CNGA3: variants seen among roughly 807,000 people sequenced by gnomAD.
The protein encoded by CNGA3 is cyclic nucleotide-gated channel alpha-3.
In CNGA3, 42 loss-of-function variants were observed where a neutral mutation model predicts 46.6. The observed-to-expected ratio is 0.90, with a 90% CI of 0.70 to 1.17. CNGA3 has a LOEUF of 1.17. CNGA3 is among the 50% of genes most tolerant of loss of function. CNGA3 has a pLI of 0.00. For missense variants in CNGA3, 893 were observed against 890.7 expected (o/e 1.00, Z -0.03); for synonymous variants, 394 against 369.4 (o/e 1.07, Z -0.76).
Position 98,380,339 on chromosome 2 carries a change from C to A in CNGA3, c.380C>A (p.Ala127Glu). 1 of 1,614,050 alleles carries A rather than the reference C, an allele frequency of 6.2e-7. No homozygotes were observed. Among genetic ancestry groups the A allele is most frequent in the Non-Finnish European group, 8.5e-7 (1 of 1,179,994 alleles). The change falls in exon 4 of 8, where the codon GCA (alanine) becomes GAA (glutamate). Residue 127 changes from alanine to glutamate, a missense_variant. Physicochemically the swap from Ala to Glu is moderately radical, Grantham distance 107. Coordinates refer to ENST00000272602, the MANE Select transcript of CNGA3 (RefSeq NM_001298.3). ...AQANVGSQEP[A>E]DRGRSAWPLA... ...GCAAATGTGGGCAGCCAGGAGCCAG[C>A]AGACAGAGGGAGAAGGTAAGGAACG...
chr2:98,366,847 C>A (rs1412119269), intron 1 of CNGA3, among the ~76,000 whole-genome samples: 1 of 152,246 alleles, frequency 6.6e-6, no homozygotes, highest in Non-Finnish European at 1.5e-5. Context: ...AGAATCTGCA[C>A]AGCTCTGTGC....
chr2:98,370,025 A>G lies in CNGA3; in HGVS notation c.50A>G (p.Lys17Arg). 1 of 1,614,090 alleles carries G rather than the reference A, an allele frequency of 6.2e-7. No individual in the cohort carries two copies. Among genetic ancestry groups the G allele is most frequent in the Non-Finnish European group, 8.5e-7 (1 of 1,180,012 alleles). Residue 17 changes from lysine (K) to arginine (R), a missense_variant, in exon 2 of 8, where the codon AAG becomes AGG. Transcript: ENST00000272602. ...TCCCACCCCTCCAGGACCCACCTCA[A>G]GGTAAAGACCTCAGACCGAGATCTC... ...QYSHPSRTHL[K>R]VKTSDRDLNR...
At chr2:98,361,662 C>A (rs921222107) in intron 1 of CNGA3, among the ~76,000 whole-genome samples, 2 of 151,476 alleles carry the variant, frequency 1.3e-5, no homozygotes, top group African/African-American at 4.9e-5. Context: ...TAAAAGCGTT[C>A]CTGTTTCTCC....
At chr2:98,360,455 T>C (rs1355804958) in intron 1 of CNGA3, among the ~76,000 whole-genome samples, 1 of 152,198 alleles carries the variant, frequency 6.6e-6, no homozygotes, top group East Asian at 1.9e-4. Flanking sequence ...AGTAATTCGA[T>C]AGTTTTTCCA....
At chr2:98,391,269 C>G (rs1692780581) in intron 6 of CNGA3, among the ~76,000 whole-genome samples, 1 of 152,092 alleles carries the variant, frequency 6.6e-6, no homozygotes, top group Non-Finnish European at 1.5e-5. Flanking sequence ...AGCTGCTGCT[C>G]TCTGGTGCAC....
rs576152907 is a variant in CNGA3, at chr2:98,378,934, A to G, written c.215+1134A>G. Among the ~76,000 whole-genome samples, 17 of 152,336 alleles carry G rather than the reference A, an allele frequency of 1.1e-4. No individual in the cohort carries two copies. In the Middle Eastern group the frequency reaches 0.01, roughly 91 times the overall value. On this transcript the variant is annotated intron_variant, in intron 3 of 7. Transcript: ENST00000272602. ...TCTCTGTTCCAATATCAGCTGGCAC[A>G]AGGCTGAAAACAGCCTTTGCCATGT...
chr2:98,379,307 G>A (rs1692485216), intron 3 of CNGA3, among the ~76,000 whole-genome samples: 1 of 152,268 alleles, frequency 6.6e-6, no homozygotes, highest in South Asian at 2.1e-4. Context: ...AGGTTGTTCA[G>A]TACTGACTCT....
At chr2:98,383,201 C>T (rs1181931967) in intron 4 of CNGA3, among the ~76,000 whole-genome samples, 187 bp from the exon 5 acceptor site, 1 of 152,170 alleles carries the variant, frequency 6.6e-6, no homozygotes, top group Non-Finnish European at 1.5e-5. Context: ...GGCTTTTACC[C>T]GAGGTAACTA....
chr2:98,395,950 C>T lies in CNGA3; in HGVS notation c.780C>T (p.Asp260=), dbSNP rs1417147005. The change falls in exon 8 of 8, where the codon GAC becomes GAT. Residue 260 remains aspartate, a synonymous_variant. Coordinates refer to ENST00000272602, the MANE Select transcript of CNGA3 (RefSeq NM_001298.3). ...ATGTGTTGTCCCTGGTCCCCACCGA[C>T]CTGGCTTACTTAAAGGTGGGCACAA... The part of the protein sequence containing the change: ...KLDVLSLVPT[D]LAYLKVGTNY... 1 of 1,614,186 alleles carries T rather than the reference C, an allele frequency of 6.2e-7. No individual in the cohort carries two copies.
intron 1 of CNGA3, among the ~76,000 whole-genome samples, chr2:98,368,374 C>T (rs749187329): frequency 7.0e-4 from 106 of 152,196 alleles, no homozygotes; most frequent in Non-Finnish European, 8.1e-4. Context: ...CACACTTAAA[C>T]GATGTGGCTG....
Position 98,396,930 on chromosome 2 carries a change from C to T in CNGA3, c.1760C>T (p.Ala587Val), listed in dbSNP as rs1442673371. ...CTCTCAAAGGACGATCTCATGGAGG[C>T]CCTCACCGAGTACCCCGAAGCCAAG... is the stretch of plus-strand genomic sequence containing the variant. ...FCLSKDDLME[A>V]LTEYPEAKKA... The change falls in exon 8 of 8, where the codon GCC (alanine) becomes GTC (valine). Residue 587 changes from alanine to valine, a missense_variant. This residue lies in a region of CNGA3 where 548 missense variants were observed against 570.8 expected (regional missense o/e 0.96). Transcript: ENST00000272602. 6.2e-7 allele frequency: 1 copy of T among 1,614,096 alleles called. No homozygotes were observed. Among genetic ancestry groups the T allele is most frequent in the African/African-American group, 1.3e-5 (1 of 75,030 alleles).
At position 98,396,856 on chromosome 2, in the gene CNGA3, C is replaced by A. The variant is rs1692930941; in HGVS notation, c.1686C>A (p.Asn562Lys). ...ACATCAAGGGGAGCAAGTCGGGGAA[C>A]CGCAGGACGGCCAACATCCGCAGCA... is the stretch of plus-strand genomic sequence containing the variant. The part of the protein sequence containing the change: ...ILNIKGSKSG[N>K]RRTANIRSIG... The change falls in exon 8 of 8, where the codon AAC (asparagine) becomes AAA (lysine). Residue 562 changes from asparagine (N) to lysine (K), a missense_variant. By Grantham distance (94) the Asn-to-Lys change is moderately conservative (BLOSUM62 0). Transcript: ENST00000272602. The A allele has an allele frequency of 1.2e-6, 2 of 1,614,202 alleles. No individual in the cohort carries two copies. Among genetic ancestry groups the A allele is most frequent in the Non-Finnish European group, 1.7e-6 (2 of 1,180,046 alleles).
In CNGA3 at chr2:98,396,873, T is replaced by C; in HGVS notation, c.1703T>C (p.Ile568Thr). 1 of 1,613,956 alleles carries C rather than the reference T, an allele frequency of 6.2e-7. No homozygotes were observed. Among genetic ancestry groups the C allele is most frequent in the African/African-American group, 1.3e-5 (1 of 74,964 alleles). Residue 568 changes from isoleucine (I) to threonine (T), a missense_variant, in exon 8 of 8, where the codon ATC (isoleucine) becomes ACC (threonine). Physicochemically the swap from Ile to Thr is moderately conservative, Grantham distance 89 (BLOSUM62 -1). This residue lies in a region of CNGA3 where 548 missense variants were observed against 570.8 expected (regional missense o/e 0.96). Transcript: ENST00000272602. ...TCGGGGAACCGCAGGACGGCCAACA[T>C]CCGCAGCATTGGCTACTCAGACCTG... Reference protein sequence around the residue: ...SKSGNRRTANIRSIGYSDLFC... With the variant: ...SKSGNRRTANTRSIGYSDLFC...
chr2:98,372,318 C>A (rs574130680), intron 2 of CNGA3, among the ~76,000 whole-genome samples: 2 of 152,362 alleles, frequency 1.3e-5, no homozygotes, highest in South Asian at 4.1e-4. Flanking sequence ...CTTGTTAAGC[C>A]ATGCTAATAG....
At chr2:98,355,261 A>G (rs565592056) in intron 1 of CNGA3, among the ~76,000 whole-genome samples, 1 of 152,316 alleles carries the variant, frequency 6.6e-6, no homozygotes, top group South Asian at 2.1e-4. Context: ...GTGTCCTTTC[A>G]TGTAAATTCT....
chr2:98,379,888 A>G, intron 3 of CNGA3: 2 of 512,686 alleles, frequency 3.9e-6, no homozygotes, highest in South Asian at 4.2e-5. Context: ...GGCAGAGTCC[A>G]AGTGCTGCAA....
intron 1 of CNGA3, among the ~76,000 whole-genome samples, chr2:98,360,756 T>C (rs1692013425): frequency 6.6e-6 from 1 of 152,142 alleles, no homozygotes; most frequent in Admixed American, 6.5e-5. Flanking sequence ...TCAAATAGGG[T>C]TGAGTCCTAA....
At chr2:98,350,986 G>C (rs931850838) in intron 1 of CNGA3, 2 of 152,244 alleles carry the variant, frequency 1.3e-5, no homozygotes, top group Non-Finnish European at 2.9e-5. Flanking sequence ...CCACCATAGA[G>C]AGGAGGAATT....
intron 1 of CNGA3, among the ~76,000 whole-genome samples, chr2:98,361,690 T>C (rs1466010472): frequency 6.6e-6 from 1 of 150,574 alleles, no homozygotes; most frequent in African/African-American, 2.4e-5. Context: ...CACAAGCAAC[T>C]GTCCTTTTCT....
Sources: allele counts gnomAD v4.1 joint callset (sites outside exome capture counted in the v4.1 genomes callset), GRCh38; gene constraint gnomAD v4.1.1; regional missense constraint gnomAD v4.1.1; transcripts MANE v1.5; gene names NCBI Gene and HGNC (gene_info 2026-07-23, HGNC 2026-07-21).